PPM1L: variants seen among roughly 807,000 people sequenced by gnomAD.
PPM1L encodes the protein protein phosphatase, Mg2+/Mn2+ dependent 1L.
PPM1L carries 13 observed loss-of-function variants against 31.4 expected under a neutral mutation model. The observed-to-expected ratio is 0.41, with a 90% CI of 0.27 to 0.66. The LOEUF (loss-of-function observed/expected upper bound fraction) is 0.66. PPM1L is among the 30% of genes least tolerant of loss of function. The pLI is 0.29. For missense variants in PPM1L, 326 were observed against 453.7 expected (o/e 0.72, Z 2.56); for synonymous variants, 184 against 175.4 (o/e 1.05, Z -0.39).
intron 2 of PPM1L, among the ~76,000 whole-genome samples, chr3:160,977,910 TAA>T (rs1193100002): frequency 6.6e-6 from 1 of 152,170 alleles, no homozygotes; most frequent in Non-Finnish European, 1.5e-5. Flanking sequence ...CTAAAGATCA[TAA>T]AGACTTTATC....
In PPM1L at chr3:161,064,888, C is replaced by T. The variant is rs373903590; in HGVS notation, c.575-515C>T. Among the ~76,000 whole-genome samples the T allele has an allele frequency of 7.2e-5, 11 of 152,144 alleles. No homozygotes were observed. The East Asian group carries it at 2.1e-3, about 29-fold the overall frequency. ...GTTTCTGGCCACCAGTCTTTGCTGT[C>T]AGACTTTGTATAGGCAAGCTCAACC... On this transcript the variant is annotated intron_variant, in intron 2 of 3. Transcript: ENST00000498165.
At chr3:161,040,185 C>T in intron 2 of PPM1L, among the ~76,000 whole-genome samples, 1 of 152,150 alleles carries the variant, frequency 6.6e-6, no homozygotes, top group East Asian at 1.9e-4. Context: ...ACTCTTTTAT[C>T]TTTAGACACC....
intron 1 of PPM1L, among the ~76,000 whole-genome samples, chr3:160,876,489 A>T (rs891583247): frequency 1.3e-5 from 2 of 152,228 alleles, no homozygotes; most frequent in Non-Finnish European, 2.9e-5. Context: ...GATAATTTAT[A>T]GTAGAAAATT....
intron 1 of PPM1L, among the ~76,000 whole-genome samples, chr3:160,830,432 T>C (rs1256539510): frequency 6.6e-6 from 1 of 152,148 alleles, no homozygotes; most frequent in Non-Finnish European, 1.5e-5. Flanking sequence ...TTGTTTGAGG[T>C]AGGTTAAAGC....
chr3:160,952,609 G>A (rs1715609423), intron 1 of PPM1L, among the ~76,000 whole-genome samples: 1 of 152,186 alleles, frequency 6.6e-6, no homozygotes, highest in Non-Finnish European at 1.5e-5. Flanking sequence ...CCTCACAGGA[G>A]AGGGCCACTG....
At chr3:160,963,458 A>G (rs779961410) in intron 2 of PPM1L, among the ~76,000 whole-genome samples, 1 of 152,118 alleles carries the variant, frequency 6.6e-6, no homozygotes, top group East Asian at 1.9e-4. Flanking sequence ...GGACTAAAAC[A>G]TACATGTATG....
At chr3:160,944,823 A>ATATAACATATATACATATATATGT (rs1559896985) in intron 1 of PPM1L, among the ~76,000 whole-genome samples, 1 of 16,696 alleles carries the variant, frequency 6.0e-5, no homozygotes, top group Non-Finnish European at 1.5e-4. Flanking sequence ...TATATATGTT[A>ATATAACATATATACATATATATGT]TATATAACAT....
At chr3:161,056,138 C>A (rs980614775) in intron 2 of PPM1L, among the ~76,000 whole-genome samples, 3 of 152,010 alleles carry the variant, frequency 2.0e-5, no homozygotes, top group East Asian at 1.9e-4. Context: ...TAATTGGCAC[C>A]CAAGGCAGAA....
chr3:160,990,977 G>A (rs1179312229), intron 2 of PPM1L, among the ~76,000 whole-genome samples: 1 of 151,748 alleles, frequency 6.6e-6, no homozygotes, highest in Non-Finnish European at 1.5e-5. Flanking sequence ...TCACTGCTTT[G>A]TAGGGGTGCC....
At chr3:160,820,156 A>T (rs953452548) in intron 1 of PPM1L, among the ~76,000 whole-genome samples, 6 of 152,100 alleles carry the variant, frequency 3.9e-5, no homozygotes, top group African/African-American at 2.4e-5. Context: ...TGATAGTGGA[A>T]TGAAGAGCTG....
At chr3:160,981,607 T>C (rs1040777180) in intron 2 of PPM1L, among the ~76,000 whole-genome samples, 2 of 152,146 alleles carry the variant, frequency 1.3e-5, no homozygotes, top group African/African-American at 4.8e-5. Context: ...GTATGAATAC[T>C]AGGAGATGGA....
chr3:160,997,048 T>C (rs1717346925), intron 2 of PPM1L, among the ~76,000 whole-genome samples: 1 of 152,128 alleles, frequency 6.6e-6, no homozygotes, highest in African/African-American at 2.4e-5. Flanking sequence ...TCAGATATCC[T>C]GTTGGGCTGA....
At chr3:161,030,739 G>C (rs1218136598) in intron 2 of PPM1L, among the ~76,000 whole-genome samples, 1 of 152,016 alleles carries the variant, frequency 6.6e-6, no homozygotes, top group African/African-American at 2.4e-5. Context: ...CCCATAGATA[G>C]CATCCATACA....
At chr3:161,060,217 C>G in intron 2 of PPM1L, among the ~76,000 whole-genome samples, 1 of 151,582 alleles carries the variant, frequency 6.6e-6, no homozygotes, top group East Asian at 2.0e-4. Flanking sequence ...ATTTGAGCTA[C>G]AACATCTTCA....
At chr3:160,811,263 T>A (rs948603577) in intron 1 of PPM1L, among the ~76,000 whole-genome samples, 3 of 152,348 alleles carry the variant, frequency 2.0e-5, no homozygotes, top group Admixed American at 6.5e-5. Context: ...TCTATCCCCC[T>A]CTTTTCTCCC....
intron 2 of PPM1L, among the ~76,000 whole-genome samples, chr3:161,044,844 A>G (rs1042882538): frequency 1.3e-5 from 2 of 152,214 alleles, no homozygotes; most frequent in Non-Finnish European, 2.9e-5. Flanking sequence ...ATAAAGAGTC[A>G]AGACCCATCA....
At chr3:160,834,124 C>T (rs1480820365) in intron 1 of PPM1L, among the ~76,000 whole-genome samples, 2 of 150,832 alleles carry the variant, frequency 1.3e-5, no homozygotes, top group African/African-American at 2.4e-5. Context: ...CCTGGGTTCA[C>T]GCCATTCTCC....
At chr3:161,058,830 A>G (rs1719495192) in intron 2 of PPM1L, among the ~76,000 whole-genome samples, 1 of 152,200 alleles carries the variant, frequency 6.6e-6, no homozygotes, top group Non-Finnish European at 1.5e-5. Context: ...ATTTATAACT[A>G]GGAATCTAAA....
At chr3:160,874,632 G>A (rs1018721700) in intron 1 of PPM1L, among the ~76,000 whole-genome samples, 2 of 152,272 alleles carry the variant, frequency 1.3e-5, no homozygotes, top group Middle Eastern at 3.4e-3. Flanking sequence ...CCATTGAGAG[G>A]TAGAGGGCTG....
Sources: allele counts gnomAD v4.1 joint callset (sites outside exome capture counted in the v4.1 genomes callset), GRCh38; gene constraint gnomAD v4.1.1; transcripts MANE v1.5; gene names NCBI Gene and HGNC (gene_info 2026-07-23, HGNC 2026-07-21).